COL22A1: variants seen among roughly 807,000 people sequenced by gnomAD.
The protein encoded by COL22A1 is collagen type XXII alpha 1 chain.
A neutral mutation model predicts 248.9 loss-of-function variants in COL22A1; 221 were observed. The observed-to-expected ratio is 0.89, with a 90% CI of 0.80 to 0.99. The LOEUF (loss-of-function observed/expected upper bound fraction) is 0.99, where lower values mean the gene tolerates loss of function less well. Among genes scored for constraint, COL22A1 ranks in the 50% least tolerant of loss-of-function variants. The pLI, the probability that COL22A1 is intolerant of heterozygous loss-of-function variation, is 0.00. For synonymous variants in COL22A1, 891 were observed against 793.4 expected, an observed-to-expected ratio of 1.12 and a Z score of -2.07; for missense variants, 2,240 against 2,179.0, an observed-to-expected ratio of 1.03 and a Z score of -0.56.
At chr8:138,801,003 T>C (rs1009877873) in intron 11 of COL22A1, among the ~76,000 whole-genome samples, 8 of 152,184 alleles carry the variant, frequency 5.3e-5, no homozygotes, top group Non-Finnish European at 1.0e-4. Context: ...ACCGAGCTGA[T>C]GTGAGAGTTA....
intron 3 of COL22A1, among the ~76,000 whole-genome samples, chr8:138,870,726 G>A (rs1439399345): frequency 1.3e-5 from 2 of 151,762 alleles, no homozygotes; most frequent in Non-Finnish European, 2.9e-5. Flanking sequence ...AGTATGTGTG[G>A]TGTGCATAGT....
chr8:138,705,940 T>G (rs925101106), intron 30 of COL22A1, among the ~76,000 whole-genome samples: 3 of 152,114 alleles, frequency 2.0e-5, no homozygotes, highest in African/African-American at 7.2e-5. Flanking sequence ...GAGGAAGATC[T>G]ACCAAGCAAA....
chr8:138,676,475 A>AAGAAAGAAAGAAAGAAAGAAAGG, intron 41 of COL22A1, 83 bp downstream of exon 41: 1 of 704,526 alleles, frequency 1.4e-6, no homozygotes, highest in South Asian at 2.0e-5. Flanking sequence ...GAAAGAAAGA[A>AAGAAAGAAAGAAAGAAAGAAAGG]AAGAGTGTTT....
At chr8:138,603,857 A>G (rs1051221516) in intron 59 of COL22A1, among the ~76,000 whole-genome samples, 5 of 152,176 alleles carry the variant, frequency 3.3e-5, no homozygotes, top group African/African-American at 4.8e-5. Flanking sequence ...TCCTCATTCA[A>G]GGGGGAGAAT....
Position 138,662,031 on chromosome 8 carries a change from T to C in COL22A1, c.3239A>G (p.Asp1080Gly). Residue 1080 changes from aspartate to glycine, a missense_variant and splice_region_variant, in exon 43 of 65, where the codon GAC becomes GGC. By Grantham distance (94) the Asp-to-Gly change is moderately conservative (BLOSUM62 -1). Transcript: ENST00000303045. ...FPGPQGPAGR[D>G]GAPGNPGERG... ...TCCACGCCATTTCTCTGTACTTACGTCCCGGCCGGCTGGGCCCTGGGGGCC... is the reference window on the plus strand; with the variant it reads ...TCCACGCCATTTCTCTGTACTTACGCCCCGGCCGGCTGGGCCCTGGGGGCC... The C allele has an allele frequency of 6.2e-7, 1 of 1,611,668 alleles. No individual in the cohort carries two copies. The highest frequency in any genetic ancestry group is 8.5e-7 in the Non-Finnish European group (1 of 1,178,852).
intron 1 of COL22A1, among the ~76,000 whole-genome samples, chr8:138,902,947 T>G (rs192434256): frequency 1.9e-4 from 29 of 152,216 alleles, no homozygotes; most frequent in African/African-American, 7.0e-4. Context: ...CCACCCCTGG[T>G]TGTTCAAGGG....
rs576229791 is a variant in COL22A1 at position 138,906,920 on chromosome 8, C to T, written c.-73+6699G>A. Among the ~76,000 whole-genome samples, 361 of 152,196 alleles carry T rather than the reference C, an allele frequency of 2.4e-3. 2 individuals carry two copies. The highest frequency in any genetic ancestry group is 8.1e-3 in the African/African-American group (337 of 41,528). On this transcript the variant is annotated intron_variant, in intron 1 of 64. Coordinates refer to ENST00000303045, the MANE Select transcript of COL22A1 (RefSeq NM_152888.3). ...CTTCCGCCTCGGCCTCCCAAAGTGC[C>T]GGGACTACAAGCATGAGCCACCACA...
At chr8:138,751,560 G>T (rs1832602562) in intron 21 of COL22A1, 49 bp from the exon 22 acceptor site, 3 of 1,358,314 alleles carry the variant, frequency 2.2e-6, no homozygotes, top group Non-Finnish European at 2.1e-6. Flanking sequence ...AATGGTAAAT[G>T]CAGGGCTCAA....
At chr8:138,910,171 T>C (rs1426758886) in intron 1 of COL22A1, among the ~76,000 whole-genome samples, 1 of 152,232 alleles carries the variant, frequency 6.6e-6, no homozygotes, top group African/African-American at 2.4e-5. Flanking sequence ...TTCATTCATG[T>C]AGCCATGTAT....
intron 56 of COL22A1, among the ~76,000 whole-genome samples, chr8:138,610,816 C>T (rs762469656): frequency 6.6e-6 from 1 of 152,232 alleles, no homozygotes; most frequent in Non-Finnish European, 1.5e-5. Context: ...ATAATTTCAG[C>T]ACTTTGGGAG....
At chr8:138,761,127 C>T (rs1833454326) in intron 17 of COL22A1, among the ~76,000 whole-genome samples, 1 of 152,218 alleles carries the variant, frequency 6.6e-6, no homozygotes, top group Admixed American at 6.5e-5. Context: ...GCTTCCCCTG[C>T]ACCCTGAGAC....
intron 10 of COL22A1, among the ~76,000 whole-genome samples, chr8:138,807,254 G>T (rs1382290366): frequency 6.6e-6 from 1 of 152,150 alleles, no homozygotes; most frequent in African/African-American, 2.4e-5. Context: ...GGATGATGGT[G>T]AACTCTCCAC....
At chr8:138,717,217 G>A (rs1005508389) in intron 27 of COL22A1, among the ~76,000 whole-genome samples, 2 of 151,536 alleles carry the variant, frequency 1.3e-5, no homozygotes, top group Middle Eastern at 3.2e-3. Context: ...GCACCATCTC[G>A]GCTCACTGCA....
intron 11 of COL22A1, among the ~76,000 whole-genome samples, chr8:138,797,282 C>T (rs1816630328): frequency 6.6e-6 from 1 of 152,152 alleles, no homozygotes; most frequent in South Asian, 2.1e-4. Flanking sequence ...TCTAGGAAAA[C>T]ATTAATCTGT....
At chr8:138,655,723 G>T (rs114550702) in intron 45 of COL22A1, among the ~76,000 whole-genome samples, 174 bp downstream of exon 45, 2,343 of 152,074 alleles carry the variant, frequency 0.015, 56 homozygotes, top group African/African-American at 0.054. Flanking sequence ...TGTTGTGTTG[G>T]ACAGGGGGAT....
At chr8:138,911,873 C>T (rs1815476558) in intron 1 of COL22A1, among the ~76,000 whole-genome samples, 1 of 152,120 alleles carries the variant, frequency 6.6e-6, no homozygotes, top group Admixed American at 6.5e-5. Context: ...ACTCTTGGAC[C>T]CCAGGAAAGA....
At chr8:138,593,963 C>T in intron 63 of COL22A1, 54 bp downstream of exon 63, 3 of 1,390,416 alleles carry the variant, frequency 2.2e-6, no homozygotes, top group Non-Finnish European at 2.9e-6. Flanking sequence ...AGCCCTGTTC[C>T]TTCTCCGCCC....
chr8:138,754,697 T>A (rs890502312), intron 21 of COL22A1, among the ~76,000 whole-genome samples: 16 of 152,106 alleles, frequency 1.1e-4, no homozygotes, highest in Admixed American at 5.9e-4. Context: ...ATTAAATTCT[T>A]AGCAGGGGGA....
At chr8:138,823,514 T>G (rs906453555) in intron 6 of COL22A1, among the ~76,000 whole-genome samples, 2 of 152,210 alleles carry the variant, frequency 1.3e-5, no homozygotes, top group Non-Finnish European at 2.9e-5. Flanking sequence ...CAAGCAATTC[T>G]CCTGCTTCAG....
Sources: gnomAD v4.1 joint callset for allele counts (sites outside exome capture counted in the v4.1 genomes callset) on GRCh38, gnomAD v4.1.1 for gene constraint, MANE v1.5 for transcripts, NCBI Gene and HGNC (gene_info 2026-07-23, HGNC 2026-07-21) for gene names.